The following PRKCA variants were observed in gnomAD, a reference collection of about 807,000 sequenced individuals.
PRKCA encodes protein kinase C alpha type.
PRKCA carries 27 observed loss-of-function variants against 87.0 expected under a neutral mutation model. The ratio of observed to expected loss-of-function variants is 0.31; its 90% CI spans 0.23 to 0.43. PRKCA has a LOEUF of 0.43. Among genes scored for constraint, PRKCA ranks in the 20% least tolerant of loss-of-function variants. The probability of loss-of-function intolerance (pLI) is 1.00; values close to 1 mark genes in which losing one functional copy is unlikely to be tolerated. For synonymous variants in PRKCA, 329 were observed against 311.1 expected, an observed-to-expected ratio of 1.06 and a Z score of -0.61; for missense variants, 518 against 852.3, an observed-to-expected ratio of 0.61 and a Z score of 4.88.
At chr17:66,613,779 C>CTTTTTTTTTTTTTTTTTTTTT (rs57610655) in intron 3 of PRKCA, among the ~76,000 whole-genome samples, 1 of 69,386 alleles carries the variant, frequency 1.4e-5, no homozygotes. Context: ...TGACTTCATC[C>CTTTTTTTTTTTTTTTTTTTTT]TTTTTTTTTT....
chr17:66,765,580 T>G, intron 13 of PRKCA, among the ~76,000 whole-genome samples: 1 of 149,034 alleles, frequency 6.7e-6, no homozygotes, highest in Non-Finnish European at 1.5e-5. Flanking sequence ...ATATGAGCTA[T>G]TTTGCATTTT....
chr17:66,660,917 A>T (rs1567961656), intron 5 of PRKCA, among the ~76,000 whole-genome samples: 1 of 151,708 alleles, frequency 6.6e-6, no homozygotes, highest in Non-Finnish European at 1.5e-5. Flanking sequence ...TTAAAAATAA[A>T]TTAATTAATT....
chr17:66,664,382 C>T (rs1436074568), intron 5 of PRKCA, among the ~76,000 whole-genome samples: 1 of 152,208 alleles, frequency 6.6e-6, no homozygotes. Context: ...ATTTCCTGCC[C>T]CCAGGGCCTG....
chr17:66,358,217 G>A (rs1908179176), intron 2 of PRKCA, among the ~76,000 whole-genome samples: 2 of 151,936 alleles, frequency 1.3e-5, no homozygotes, highest in Admixed American at 1.3e-4. Flanking sequence ...ACGCACTGAG[G>A]TTTTCCCTGG....
intron 2 of PRKCA, among the ~76,000 whole-genome samples, chr17:66,384,634 C>CTT (rs1003762674): frequency 6.8e-6 from 1 of 146,414 alleles, no homozygotes. Flanking sequence ...CCTTAAATGA[C>CTT]TTTTTTTTTT....
chr17:66,710,920 G>A (rs978119776), intron 8 of PRKCA, among the ~76,000 whole-genome samples: 2 of 152,072 alleles, frequency 1.3e-5, no homozygotes, highest in African/African-American at 2.4e-5. Flanking sequence ...GCAGGTGCCC[G>A]TAATCCCAGC....
chr17:66,636,722 TC>T (rs1300180599), intron 3 of PRKCA, among the ~76,000 whole-genome samples: 3 of 152,250 alleles, frequency 2.0e-5, no homozygotes, highest in Non-Finnish European at 4.4e-5. Flanking sequence ...TCTCTTATAT[TC>T]CCTAAGCTGG....
intron 2 of PRKCA, among the ~76,000 whole-genome samples, chr17:66,336,835 C>T (rs1439977899): frequency 1.3e-5 from 2 of 150,570 alleles, no homozygotes. Context: ...GTTGCCCAGG[C>T]TGGAGTGCAG....
intron 14 of PRKCA, chr17:66,777,175 A>G (rs1975074750): frequency 3.0e-6 from 3 of 984,030 alleles, no homozygotes; most frequent in Admixed American, 6.2e-5. Flanking sequence ...TGCCCTGCCC[A>G]TGTCCGAACA....
intron 2 of PRKCA, among the ~76,000 whole-genome samples, chr17:66,393,879 G>A (rs140350110): frequency 0.011 from 1,641 of 152,230 alleles, 24 homozygotes; most frequent in African/African-American, 0.036. Context: ...TTTGAGACCA[G>A]CCTGGCCAAC....
chr17:66,591,333 T>TA (rs772647233), intron 3 of PRKCA, among the ~76,000 whole-genome samples: 72 of 151,560 alleles, frequency 4.8e-4, no homozygotes, highest in Admixed American at 1.1e-3. Flanking sequence ...TTTTTTTTTT[T>TA]ATTTTAGTAG....
chr17:66,421,867 T>G (rs1452142394), intron 2 of PRKCA, among the ~76,000 whole-genome samples: 3 of 152,080 alleles, frequency 2.0e-5, no homozygotes, highest in Non-Finnish European at 4.4e-5. Context: ...TCTCTACTTT[T>G]TCCTTTTTAC....
chr17:66,800,947 A>G (rs1365796341), intron 16 of PRKCA, among the ~76,000 whole-genome samples: 1 of 152,228 alleles, frequency 6.6e-6, no homozygotes, highest in African/African-American at 2.4e-5. Context: ...CTCTCATTAA[A>G]GGAGCACACA....
intron 3 of PRKCA, among the ~76,000 whole-genome samples, chr17:66,603,323 T>A (rs9896134): frequency 6.6e-6 from 1 of 151,996 alleles, no homozygotes; most frequent in Non-Finnish European, 1.5e-5. Context: ...TCATCGCAGA[T>A]GCTTCATGTG....
intron 5 of PRKCA, chr17:66,676,596 G>C (rs1221642964): frequency 6.6e-6 from 1 of 152,264 alleles, no homozygotes; most frequent in Non-Finnish European, 1.5e-5. Flanking sequence ...GTTTGCACTT[G>C]CTTCTGGGTG....
At chr17:66,734,519 C>G (rs886395342) in intron 9 of PRKCA, among the ~76,000 whole-genome samples, 23 of 152,166 alleles carry the variant, frequency 1.5e-4, no homozygotes, top group African/African-American at 5.6e-4. Flanking sequence ...ATATAATGAG[C>G]AATGAGGGTA....
At chr17:66,593,977 C>A (rs528410593) in intron 3 of PRKCA, among the ~76,000 whole-genome samples, 2 of 152,232 alleles carry the variant, frequency 1.3e-5, no homozygotes, top group East Asian at 3.9e-4. Flanking sequence ...CCCAGCTGCT[C>A]GGGAGGCTGA....
At chr17:66,614,171 C>T (rs532530973) in intron 3 of PRKCA, among the ~76,000 whole-genome samples, 3 of 152,010 alleles carry the variant, frequency 2.0e-5, no homozygotes, top group East Asian at 1.9e-4. Flanking sequence ...TCCAGCTGGA[C>T]GTGAAGTGGA....
intron 13 of PRKCA, among the ~76,000 whole-genome samples, chr17:66,759,804 A>G (rs773385757): frequency 4.9e-4 from 75 of 152,276 alleles, no homozygotes; most frequent in Non-Finnish European, 1.0e-3. Context: ...CAGCTAGAGC[A>G]GACCTCAGAG....
Sources: allele counts gnomAD v4.1 joint callset (sites outside exome capture counted in the v4.1 genomes callset), GRCh38; gene constraint gnomAD v4.1.1; transcripts MANE v1.5; gene names NCBI Gene and HGNC (gene_info 2026-07-23, HGNC 2026-07-21).